CNTLN: variants seen among roughly 807,000 people sequenced by gnomAD.
CNTLN encodes centlein.
A neutral mutation model predicts 180.0 loss-of-function variants in CNTLN; 212 were observed. That is an observed-to-expected ratio of 1.18 (90% CI 1.05 to 1.32). CNTLN has a LOEUF of 1.32. Ranked by LOEUF, CNTLN falls within the 40% of genes most tolerant of loss-of-function variation. The probability of loss-of-function intolerance (pLI) is 0.00; values close to 1 mark genes in which losing one functional copy is unlikely to be tolerated. For synonymous variants in CNTLN, 722 were observed against 563.1 expected (o/e 1.28, Z -3.99); for missense variants, 2,095 against 1,610.9 (o/e 1.30, Z -5.14).
intron 14 of CNTLN, among the ~76,000 whole-genome samples, chr9:17,391,448 C>A (rs1406830638): frequency 6.6e-6 from 1 of 152,102 alleles, no homozygotes; most frequent in African/African-American, 2.4e-5. Flanking sequence ...GGCAGGAGAT[C>A]TTGCTTCTGA....
At chr9:17,257,121 C>A (rs1479564912) in intron 5 of CNTLN, among the ~76,000 whole-genome samples, 1 of 151,792 alleles carries the variant, frequency 6.6e-6, no homozygotes, top group African/African-American at 2.4e-5. Context: ...TGCTATCCCT[C>A]CCCCCTCCTC....
At chr9:17,462,027 T>C (rs554700409) in intron 19 of CNTLN, among the ~76,000 whole-genome samples, 1 of 151,876 alleles carries the variant, frequency 6.6e-6, no homozygotes, top group Non-Finnish European at 1.5e-5. Context: ...ATAAGTAGCA[T>C]TATTAATAAC....
At chr9:17,254,105 C>G (rs1826322764) in intron 5 of CNTLN, among the ~76,000 whole-genome samples, 1 of 151,550 alleles carries the variant, frequency 6.6e-6, no homozygotes, top group South Asian at 2.1e-4. Context: ...TGAATCATCC[C>G]TGCATCCCTG....
At chr9:17,306,970 C>A (rs1818760014) in intron 7 of CNTLN, among the ~76,000 whole-genome samples, 1 of 152,106 alleles carries the variant, frequency 6.6e-6, no homozygotes, top group African/African-American at 2.4e-5. Context: ...CTTTTCTACC[C>A]TAAACCCAGT....
At chr9:17,385,718 C>G (rs1318894834) in intron 13 of CNTLN, among the ~76,000 whole-genome samples, 1 of 152,000 alleles carries the variant, frequency 6.6e-6, no homozygotes, top group Non-Finnish European at 1.5e-5. Flanking sequence ...TTGTTATTCC[C>G]TAAACAATGT....
At chr9:17,309,564 A>G (rs1818981267) in intron 8 of CNTLN, among the ~76,000 whole-genome samples, 1 of 136,688 alleles carries the variant, frequency 7.3e-6, no homozygotes, top group Non-Finnish European at 1.6e-5. Context: ...TTTTAACTGA[A>G]TGAGCTAATG....
At chr9:17,512,510 T>C in the CNTLN span, among the ~76,000 whole-genome samples, 3 of 151,984 alleles carry the variant, frequency 2.0e-5, no homozygotes, top group African/African-American at 4.8e-5. Flanking sequence ...GACTACAAAA[T>C]AGGGGAGAGA....
chr9:17,231,644 C>T (rs1230257454), intron 3 of CNTLN, among the ~76,000 whole-genome samples: 1 of 152,098 alleles, frequency 6.6e-6, no homozygotes, highest in East Asian at 1.9e-4. Context: ...TTTATCCCTT[C>T]CTTTTTCTCC....
In CNTLN at chr9:17,340,987, T is replaced by TA. The variant is rs143701311; in HGVS notation, c.1766+42dup. Reference sequence around the variant, plus strand: ...CTCATAAAGGCATTTCCCTAAATATTAAATGGAATGGAGTAGCATTATATA... The same window carrying TA: ...CTCATAAAGGCATTTCCCTAAATATTAAAATGGAATGGAGTAGCATTATATA... On this transcript the variant is annotated intron_variant, in intron 11 of 25. Transcript: ENST00000380647. 2.1e-3 allele frequency: 3,347 copies of TA among 1,574,928 alleles called. 59 individuals carry two copies. The African/African-American group carries it at 0.04, about 19-fold the overall frequency.
intron 2 of CNTLN, among the ~76,000 whole-genome samples, chr9:17,224,360 AC>A (rs1824329855): frequency 1.3e-5 from 2 of 152,138 alleles, no homozygotes; most frequent in African/African-American, 4.8e-5. Context: ...ATTAGATGTG[AC>A]TTTTATTTAT....
chr9:17,506,896 C>G (rs1445163151), downstream of CNTLN, among the ~76,000 whole-genome samples: 1 of 152,022 alleles, frequency 6.6e-6, no homozygotes, highest in East Asian at 1.9e-4. Flanking sequence ...TAGAATGTTT[C>G]AATGCATGCG....
At chr9:17,342,583 C>T in intron 12 of CNTLN, 139 bp downstream of exon 12, 1 of 746,186 alleles carries the variant, frequency 1.3e-6, no homozygotes, top group Non-Finnish European at 2.1e-6. Context: ...GAAAAAAAGA[C>T]TAGCTTTTAA....
chr9:17,242,383 C>T (rs890687893), intron 5 of CNTLN, among the ~76,000 whole-genome samples: 1 of 151,822 alleles, frequency 6.6e-6, no homozygotes, highest in South Asian at 2.1e-4. Context: ...GATCTTGGCT[C>T]ACTGCAACCT....
intron 13 of CNTLN, among the ~76,000 whole-genome samples, chr9:17,374,346 C>T (rs1318717764): frequency 6.6e-6 from 1 of 152,058 alleles, no homozygotes; most frequent in Non-Finnish European, 1.5e-5. Context: ...ATACCATTTG[C>T]AAATAGATAT....
At chr9:17,245,785 A>G (rs1825766194) in intron 5 of CNTLN, among the ~76,000 whole-genome samples, 1 of 151,864 alleles carries the variant, frequency 6.6e-6, no homozygotes, top group South Asian at 2.1e-4. Context: ...CCCGTCTTCA[A>G]TCTAACTAGT....
At chr9:17,513,517 G>T in the CNTLN span, among the ~76,000 whole-genome samples, 96 of 152,136 alleles carry the variant, frequency 6.3e-4, no homozygotes, top group Non-Finnish European at 1.5e-5. Context: ...GCAAAATGGC[G>T]AAACCCCTTC....
At chr9:17,446,883 C>T (rs925882968) in intron 18 of CNTLN, among the ~76,000 whole-genome samples, 4 of 152,188 alleles carry the variant, frequency 2.6e-5, no homozygotes, top group African/African-American at 9.6e-5. Context: ...CTAGGAAAAC[C>T]AAGTTTAATC....
chr9:17,481,809 C>G (rs1035544604), intron 23 of CNTLN, among the ~76,000 whole-genome samples: 2 of 152,192 alleles, frequency 1.3e-5, no homozygotes, highest in Non-Finnish European at 2.9e-5. Flanking sequence ...CAGAGCCCAA[C>G]CAGTGGCCCC....
intron 7 of CNTLN, among the ~76,000 whole-genome samples, chr9:17,304,135 C>T (rs1459438190): frequency 6.6e-6 from 1 of 151,988 alleles, no homozygotes; most frequent in Non-Finnish European, 1.5e-5. Flanking sequence ...GGAGGGGAGA[C>T]AAAGGTGAAG....
Sources: gnomAD v4.1 joint callset for allele counts (sites outside exome capture counted in the v4.1 genomes callset) on GRCh38, gnomAD v4.1.1 for gene constraint, MANE v1.5 for transcripts, NCBI Gene and HGNC (gene_info 2026-07-23, HGNC 2026-07-21) for gene names.